Variants in KLF12 observed in about 807,000 individuals in gnomAD.
KLF12 encodes Krueppel-like factor 12.
Under a neutral mutation model 37.8 loss-of-function variants are expected in KLF12, and 9 were observed. That is an observed-to-expected ratio of 0.24 (90% CI 0.14 to 0.42). The LOEUF (loss-of-function observed/expected upper bound fraction) is 0.42, where lower values mean the gene tolerates loss of function less well. Ranked by LOEUF, KLF12 falls within the 10% of genes least tolerant of loss-of-function variation. KLF12 has a pLI of 1.00. For missense variants in KLF12, 411 were observed against 516.0 expected, an observed-to-expected ratio of 0.80 and a Z score of 1.97; for synonymous variants, 208 against 202.1, an observed-to-expected ratio of 1.03 and a Z score of -0.25.
At chr13:73,860,154 G>A (rs1885843045) in intron 3 of KLF12, among the ~76,000 whole-genome samples, 1 of 152,148 alleles carries the variant, frequency 6.6e-6, no homozygotes, top group South Asian at 2.1e-4. Flanking sequence ...GATTGAAGAT[G>A]ATGTTGATCA....
chr13:74,233,931 C>A, the KLF12 span, among the ~76,000 whole-genome samples: 3 of 152,076 alleles, frequency 2.0e-5, no homozygotes, highest in Non-Finnish European at 4.4e-5. Flanking sequence ...ACATTAGCAA[C>A]AACAACAAAA....
At chr13:73,803,779 C>T (rs922453837) in intron 5 of KLF12, among the ~76,000 whole-genome samples, 1 of 70,066 alleles carries the variant, frequency 1.4e-5, no homozygotes, top group African/African-American at 7.7e-5. Flanking sequence ...GAGTCACACA[C>T]ACACACACAC....
At chr13:74,173,233 C>G in the KLF12 span, among the ~76,000 whole-genome samples, 1 of 152,152 alleles carries the variant, frequency 6.6e-6, no homozygotes, top group Non-Finnish European at 1.5e-5. Context: ...CAAGGACTTC[C>G]TACCATGCCA....
intron 3 of KLF12, among the ~76,000 whole-genome samples, chr13:73,890,272 C>T (rs1887440920): frequency 6.6e-6 from 1 of 151,864 alleles, no homozygotes; most frequent in African/African-American, 2.4e-5. Context: ...AAATTATTAC[C>T]AAAAATACCT....
At chr13:73,852,791 C>T (rs1885399786) in intron 3 of KLF12, among the ~76,000 whole-genome samples, 1 of 151,266 alleles carries the variant, frequency 6.6e-6, no homozygotes, top group African/African-American at 2.4e-5. Context: ...CAAAACAAAA[C>T]AAAACAGAAA....
At chr13:74,163,222 C>T in the KLF12 span, among the ~76,000 whole-genome samples, 2 of 152,102 alleles carry the variant, frequency 1.3e-5, no homozygotes, top group South Asian at 2.1e-4. Flanking sequence ...TCAGAAATCC[C>T]ACTGCTGGGT....
chr13:73,962,464 T>C (rs778953973), intron 2 of KLF12, among the ~76,000 whole-genome samples: 3 of 152,206 alleles, frequency 2.0e-5, no homozygotes, highest in Non-Finnish European at 4.4e-5. Context: ...GTAAGCCCTA[T>C]TGCAGACTAT....
the KLF12 span, among the ~76,000 whole-genome samples, chr13:74,167,689 A>G: frequency 4.6e-5 from 7 of 152,182 alleles, no homozygotes; most frequent in Admixed American, 4.6e-4. Context: ...TTTATACTTA[A>G]TCTCGTGTTT....
chr13:73,815,546 C>T (rs778269875), intron 4 of KLF12, among the ~76,000 whole-genome samples: 3 of 152,130 alleles, frequency 2.0e-5, no homozygotes, highest in African/African-American at 4.8e-5. Context: ...ATTCATTTAA[C>T]AGCCATTCAC....
At chr13:73,735,650 A>T (rs1461271683) in intron 6 of KLF12, among the ~76,000 whole-genome samples, 2 of 152,226 alleles carry the variant, frequency 1.3e-5, no homozygotes. Context: ...TCTACTTGGA[A>T]TTCACAGCTT....
chr13:74,217,055 T>C, the KLF12 span, among the ~76,000 whole-genome samples: 14 of 152,182 alleles, frequency 9.2e-5, no homozygotes, highest in African/African-American at 3.1e-4. Context: ...TAGACTCCCT[T>C]TTATATACAC....
At chr13:73,721,065 C>T (rs776091053) in intron 6 of KLF12, among the ~76,000 whole-genome samples, 2 of 152,222 alleles carry the variant, frequency 1.3e-5, no homozygotes, top group Non-Finnish European at 2.9e-5. Flanking sequence ...TTACAGAATG[C>T]TTAGTGGGTG....
At chr13:73,974,072 G>A (rs1216469096) in intron 2 of KLF12, among the ~76,000 whole-genome samples, 2 of 152,068 alleles carry the variant, frequency 1.3e-5, no homozygotes, top group Non-Finnish European at 2.9e-5. Flanking sequence ...GAATACAGAG[G>A]AGGAAGACAA....
At chr13:74,037,862 T>C (rs184721476) in intron 1 of KLF12, among the ~76,000 whole-genome samples, 97 of 152,314 alleles carry the variant, frequency 6.4e-4, no homozygotes, top group Non-Finnish European at 1.1e-3. Context: ...ATCTTATAGT[T>C]CTTCATGCCA....
chr13:73,728,424 CCTTT>C (rs1471593726), intron 6 of KLF12, among the ~76,000 whole-genome samples: 5 of 152,168 alleles, frequency 3.3e-5, no homozygotes, highest in Non-Finnish European at 7.3e-5. Flanking sequence ...TTTACTTCTT[CCTTT>C]CTAATCTACA....
intron 1 of KLF12, among the ~76,000 whole-genome samples, chr13:74,083,306 G>A (rs1484170606): frequency 6.6e-6 from 1 of 152,140 alleles, no homozygotes; most frequent in East Asian, 1.9e-4. Context: ...TGAGCCCAGA[G>A]ACCAGACTGG....
chr13:74,233,330 C>T, the KLF12 span, among the ~76,000 whole-genome samples: 37 of 152,256 alleles, frequency 2.4e-4, no homozygotes, highest in East Asian at 2.5e-3. Context: ...CAGCCCTGAC[C>T]TGCTCCATCC....
At chr13:74,239,514 T>C in the KLF12 span, among the ~76,000 whole-genome samples, 1 of 118,964 alleles carries the variant, frequency 8.4e-6, no homozygotes, top group Non-Finnish European at 1.7e-5. Flanking sequence ...TTCTGTCTCG[T>C]TGATCTGTCT....
At chr13:74,267,869 A>T in the KLF12 span, among the ~76,000 whole-genome samples, 30 of 152,164 alleles carry the variant, frequency 2.0e-4, no homozygotes, top group South Asian at 5.8e-3. Flanking sequence ...ATTATGATTA[A>T]TTTTTTAAAA....
Sources: gnomAD v4.1 joint callset for allele counts (sites outside exome capture counted in the v4.1 genomes callset) on GRCh38, gnomAD v4.1.1 for gene constraint, MANE v1.5 for transcripts, NCBI Gene and HGNC (gene_info 2026-07-23, HGNC 2026-07-21) for gene names.